Variants in TSPAN15 observed in about 807,000 individuals in gnomAD.
The protein encoded by TSPAN15 is tetraspanin-15.
A neutral mutation model predicts 34.5 loss-of-function variants in TSPAN15; 20 were observed. The ratio of observed to expected loss-of-function variants is 0.58; its 90% CI spans 0.41 to 0.84. The LOEUF (loss-of-function observed/expected upper bound fraction) is 0.84, where lower values mean the gene tolerates loss of function less well. Ranked by LOEUF, TSPAN15 falls within the 40% of genes least tolerant of loss-of-function variation. TSPAN15 has a pLI of 0.00. For synonymous variants in TSPAN15, 155 were observed against 153.9 expected, an observed-to-expected ratio of 1.01 and a Z score of -0.05; for missense variants, 313 against 386.1, an observed-to-expected ratio of 0.81 and a Z score of 1.59.
chr10:69,547,150 T>A, the TSPAN15 span, among the ~76,000 whole-genome samples: 1 of 151,912 alleles, frequency 6.6e-6, no homozygotes, highest in African/African-American at 2.4e-5. Context: ...TGCAGTAAGC[T>A]GAGATGGCGC....
chr10:69,468,347 G>A (rs536738403), intron 1 of TSPAN15, among the ~76,000 whole-genome samples: 29 of 152,186 alleles, frequency 1.9e-4, no homozygotes, highest in Non-Finnish European at 3.7e-4. Context: ...GCAAGTCAGT[G>A]CACTGATGTG....
intron 1 of TSPAN15, among the ~76,000 whole-genome samples, chr10:69,479,877 G>A (rs1179038830): frequency 1.3e-5 from 2 of 152,182 alleles, no homozygotes; most frequent in Non-Finnish European, 2.9e-5. Context: ...GGTTGGGGTG[G>A]CAGCTCCTTC....
At chr10:69,537,427 G>A in the TSPAN15 span, among the ~76,000 whole-genome samples, 1 of 152,152 alleles carries the variant, frequency 6.6e-6, no homozygotes, top group Non-Finnish European at 1.5e-5. Flanking sequence ...AAACTGGGTG[G>A]CTTAGAACAA....
At chr10:69,512,392 A>G (rs151203224), downstream of TSPAN15, among the ~76,000 whole-genome samples, 178 of 152,384 alleles carry the variant, frequency 1.2e-3, no homozygotes, top group African/African-American at 4.0e-3. Flanking sequence ...CTGATTTTGT[A>G]TAAAAATGTC....
the TSPAN15 span, among the ~76,000 whole-genome samples, chr10:69,529,332 G>A: frequency 2.7e-5 from 4 of 148,072 alleles, no homozygotes; most frequent in South Asian, 8.6e-4. Flanking sequence ...CCCCGCTGCA[G>A]CAAGTGTGAT....
chr10:69,505,920 C>A, intron 6 of TSPAN15: 1 of 437,186 alleles, frequency 2.3e-6, no homozygotes, highest in Non-Finnish European at 4.0e-6. Context: ...AAAGTGCCAC[C>A]ACGGTGTCCC....
intron 1 of TSPAN15, among the ~76,000 whole-genome samples, chr10:69,454,950 G>A (rs1157146741): frequency 6.6e-6 from 1 of 152,094 alleles, no homozygotes; most frequent in Non-Finnish European, 1.5e-5. Flanking sequence ...GGATCGTGAG[G>A]TTAAGAGATC....
Position 69,506,478 on chromosome 10 carries a change from A to G in TSPAN15, c.735+238A>G, listed in dbSNP as rs539521538. 8.8e-5 allele frequency: 52 copies of G among 593,768 alleles called. No homozygotes were observed. The highest frequency in any genetic ancestry group is 6.9e-4 in the South Asian group (34 of 49,242). 36.8% of individuals were successfully genotyped at this position (593,768 alleles called of 1,614,324 possible). A position where few individuals can be genotyped will look rare whatever the true frequency, so the allele number is the denominator to read the frequency against. On this transcript the variant is annotated intron_variant, in intron 7 of 7. Coordinates refer to ENST00000373290, the MANE Select transcript of TSPAN15 (RefSeq NM_012339.5). The surrounding 1 kb of genome is among the most constrained non-coding windows in gnomAD (Gnocchi z 4.7). ...TGAGGGAGGCACTATTATAATGCCT[A>G]TTTCACAGAGGAGGAAACTGAGGAG...
chr10:69,488,417 T>C (rs1477915148), intron 3 of TSPAN15, among the ~76,000 whole-genome samples: 5 of 152,304 alleles, frequency 3.3e-5, no homozygotes, highest in African/African-American at 4.8e-5. Context: ...AGAGGATTTC[T>C]CTGAGCCACA....
chr10:69,509,028 G>C (rs1445996617), downstream of TSPAN15, among the ~76,000 whole-genome samples: 1 of 152,230 alleles, frequency 6.6e-6, no homozygotes, highest in African/African-American at 2.4e-5. Context: ...CTGGCTGGAG[G>C]CCTTGTAGTC....
intron 1 of TSPAN15, among the ~76,000 whole-genome samples, chr10:69,483,132 G>C (rs1410996234): frequency 1.3e-5 from 2 of 152,106 alleles, no homozygotes; most frequent in African/African-American, 4.8e-5. Flanking sequence ...GGGACTACAG[G>C]TGCCCGCCAC....
the TSPAN15 span, among the ~76,000 whole-genome samples, chr10:69,512,733 A>G: frequency 6.6e-6 from 1 of 152,248 alleles, no homozygotes; most frequent in Non-Finnish European, 1.5e-5. Flanking sequence ...TAATCATTTT[A>G]AGATTCATTC....
intron 1 of TSPAN15, among the ~76,000 whole-genome samples, chr10:69,453,340 C>G (rs57905481): frequency 6.6e-6 from 1 of 152,120 alleles, no homozygotes; most frequent in African/African-American, 2.4e-5. Context: ...TAAGGTAATT[C>G]TAGTGTGCAG....
At chr10:69,530,090 T>C in the TSPAN15 span, among the ~76,000 whole-genome samples, 24 of 148,070 alleles carry the variant, frequency 1.6e-4, 2 homozygotes, top group Non-Finnish European at 3.1e-4. Context: ...TCACATTTTC[T>C]TTATCCACTC....
the TSPAN15 span, among the ~76,000 whole-genome samples, chr10:69,548,124 AG>A: frequency 6.6e-6 from 1 of 152,056 alleles, no homozygotes; most frequent in Non-Finnish European, 1.5e-5. Flanking sequence ...AGTTCTCCAA[AG>A]GAAGGTGAGT....
At chr10:69,456,366 C>T (rs989598468) in intron 1 of TSPAN15, among the ~76,000 whole-genome samples, 1 of 152,126 alleles carries the variant, frequency 6.6e-6, no homozygotes, top group African/African-American at 2.4e-5. Context: ...GGATTACAGG[C>T]GTGAGTCACT....
chr10:69,487,622 A>G (rs1190031809), intron 3 of TSPAN15, among the ~76,000 whole-genome samples: 1 of 152,218 alleles, frequency 6.6e-6, no homozygotes, highest in African/African-American at 2.4e-5. Flanking sequence ...CTATCCTCCA[A>G]TGATGGGCAG....
chr10:69,539,441 G>GGAAGAAGAA, the TSPAN15 span, among the ~76,000 whole-genome samples: 20 of 65,432 alleles, frequency 3.1e-4, 4 homozygotes, highest in East Asian at 0.01. Flanking sequence ...AGAAGAAGAA[G>GGAAGAAGAA]GAAGAAGAAG....
chr10:69,512,400 G>A (rs1052969356), downstream of TSPAN15, among the ~76,000 whole-genome samples: 4 of 152,260 alleles, frequency 2.6e-5, no homozygotes, highest in Admixed American at 1.3e-4. Context: ...GTATAAAAAT[G>A]TCCAATACCA....
Sources: gnomAD v4.1 joint callset for allele counts (sites outside exome capture counted in the v4.1 genomes callset) on GRCh38, gnomAD v4.1.1 for gene constraint, Gnocchi (gnomAD v3.1) non-coding constraint, MANE v1.5 for transcripts, NCBI Gene and HGNC (gene_info 2026-07-23, HGNC 2026-07-21) for gene names.